TGFBR3: variants seen among roughly 807,000 people sequenced by gnomAD.
TGFBR3 encodes transforming growth factor beta receptor type 3.
TGFBR3 carries 46 observed loss-of-function variants against 87.9 expected under a neutral mutation model. The observed-to-expected ratio is 0.52, with a 90% confidence interval of 0.41 to 0.67. The LOEUF is 0.67. Ranked by LOEUF, TGFBR3 falls within the 30% of genes least tolerant of loss-of-function variation. TGFBR3 has a pLI of 0.00. For missense variants in TGFBR3, 866 were observed against 1,041.9 expected (o/e 0.83, Z 2.32); for synonymous variants, 381 against 391.6 (o/e 0.97, Z 0.32).
chr1:91,718,440 T>C (rs949098271), intron 10 of TGFBR3, among the ~76,000 whole-genome samples: 3 of 152,090 alleles, frequency 2.0e-5, no homozygotes, highest in African/African-American at 7.2e-5. Context: ...ATGTCAAAGC[T>C]GGATATGGCA....
At chr1:91,798,591 C>G (rs1675479388) in intron 2 of TGFBR3, among the ~76,000 whole-genome samples, 1 of 152,194 alleles carries the variant, frequency 6.6e-6, no homozygotes, top group African/African-American at 2.4e-5. Context: ...CTCTGCCCTC[C>G]CGCAATCCAT....
intron 13 of TGFBR3, among the ~76,000 whole-genome samples, chr1:91,710,109 G>A (rs1182563910): frequency 6.6e-6 from 1 of 152,154 alleles, no homozygotes; most frequent in African/African-American, 2.4e-5. Flanking sequence ...TATTAATACA[G>A]CCATCATTTT....
In TGFBR3 at chr1:91,721,962, T is replaced by C. The variant is rs1461503639; in HGVS notation, c.1068A>G (p.Glu356=). The C allele has an allele frequency of 6.2e-7, 1 of 1,613,048 alleles. No individual in the cohort carries two copies. Among genetic ancestry groups the C allele is most frequent in the Admixed American group, 1.7e-5 (1 of 59,942 alleles). ...AAAAAACTTCTAACTTACCATTATT[T>C]TCAAGCCGAAGATGAAATCTATTAG... ...PVANRFHLRL[E]NNAEEMGDEE... Residue 356 remains glutamate, a synonymous_variant, in exon 8 of 17, where the codon GAA becomes GAG. Coordinates refer to ENST00000212355, the MANE Select transcript of TGFBR3 (RefSeq NM_003243.5).
At chr1:91,751,111 G>A (rs1673525083) in intron 4 of TGFBR3, among the ~76,000 whole-genome samples, 1 of 152,050 alleles carries the variant, frequency 6.6e-6, no homozygotes, top group East Asian at 1.9e-4. Context: ...GAATGAACAA[G>A]CACATACATA....
At chr1:91,713,534 A>G (rs1672059221) in intron 12 of TGFBR3, among the ~76,000 whole-genome samples, 1 of 152,214 alleles carries the variant, frequency 6.6e-6, no homozygotes, top group African/African-American at 2.4e-5. Context: ...CCTTACCCAT[A>G]GACCAACAGC....
chr1:91,723,664 C>G (rs1400977809), intron 7 of TGFBR3, among the ~76,000 whole-genome samples: 1 of 151,062 alleles, frequency 6.6e-6, no homozygotes, highest in Non-Finnish European at 1.5e-5. Flanking sequence ...GTGCTCTTCT[C>G]AGAGGGTGAG....
chr1:91,854,101 T>C (rs1409474893), intron 2 of TGFBR3, among the ~76,000 whole-genome samples: 1 of 152,132 alleles, frequency 6.6e-6, no homozygotes. Context: ...TGAGGAGATG[T>C]TGGTCAAATA....
At chr1:91,830,976 G>A (rs907698966) in intron 2 of TGFBR3, among the ~76,000 whole-genome samples, 1 of 152,078 alleles carries the variant, frequency 6.6e-6, no homozygotes, top group Non-Finnish European at 1.5e-5. Flanking sequence ...AGTACACACA[G>A]GTAAAAACTT....
intron 2 of TGFBR3, among the ~76,000 whole-genome samples, chr1:91,835,353 GAAGT>G (rs1409975958): frequency 2.0e-5 from 3 of 152,342 alleles, no homozygotes; most frequent in African/African-American, 4.8e-5. Context: ...CTACAAGGAA[GAAGT>G]AAGGGCTGGG....
rs746593487 is a variant in TGFBR3 at position 91,681,291 on chromosome 1, G to A, written c.*2448C>T. On this transcript the variant is annotated 3_prime_UTR_variant, in exon 17 of 17. Coordinates refer to ENST00000212355, the MANE Select transcript of TGFBR3 (RefSeq NM_003243.5). Reference sequence around the variant, plus strand: ...TAGAAACATTTCAGAAATACTTAACGACATTCACTCTCCAATATGAGATTA... The same window carrying A: ...TAGAAACATTTCAGAAATACTTAACAACATTCACTCTCCAATATGAGATTA... 3 of 442,956 alleles carry A rather than the reference G, an allele frequency of 6.8e-6. No individual in the cohort carries two copies. Among genetic ancestry groups the A allele is most frequent in the Non-Finnish European group, 1.3e-5 (3 of 223,530 alleles). 27.4% of individuals were successfully genotyped at this position (442,956 alleles called of 1,614,324 possible). A position where few individuals can be genotyped will look rare whatever the true frequency, so the allele number is the denominator to read the frequency against.
At chr1:91,695,165 A>G (rs1671390384) in intron 16 of TGFBR3, among the ~76,000 whole-genome samples, 2 of 151,810 alleles carry the variant, frequency 1.3e-5, no homozygotes, top group Admixed American at 6.6e-5. Flanking sequence ...AACTTTATAG[A>G]AAAACATGAA....
rs1215283010 is a variant in TGFBR3, at chr1:91,683,002, G to A, written c.*737C>T. ...GGTCATTTTCAATTTCTGTAGGCCT[G>A]TAAGAAATACAAAATTTGCATTAAG... On this transcript the variant is annotated 3_prime_UTR_variant, in exon 17 of 17. Coordinates refer to ENST00000212355, the MANE Select transcript of TGFBR3 (RefSeq NM_003243.5). 4.4e-6 allele frequency: 2 copies of A among 454,478 alleles called. No individual in the cohort carries two copies. The highest frequency in any genetic ancestry group is 4.4e-6 in the Non-Finnish European group (1 of 226,796). The allele number at this position is 454,478 out of a possible 1,614,324, so 28.2% of individuals were successfully genotyped here.
chr1:91,776,734 C>T lies in TGFBR3; in HGVS notation c.247-17984G>A, dbSNP rs532426388. On this transcript the variant is annotated intron_variant, in intron 3 of 16. Transcript: ENST00000212355. ...TGGTGGCAGCTGCATACATGACCCT[C>T]CAAACACTTGGCTTCCTCATGAGGA... 1.3e-4 allele frequency among the ~76,000 whole-genome samples: 20 copies of T among 152,280 alleles called. 1 individual carries two copies. The highest frequency in any genetic ancestry group is 2.4e-4 in the Non-Finnish European group (16 of 68,028).
At chr1:91,800,470 AT>A (rs892691484) in intron 2 of TGFBR3, among the ~76,000 whole-genome samples, 2 of 150,874 alleles carry the variant, frequency 1.3e-5, no homozygotes, top group Non-Finnish European at 3.0e-5. Context: ...TGATCACACT[AT>A]TGTACTCCAG....
chr1:91,734,290 A>T (rs1672879560), intron 5 of TGFBR3, among the ~76,000 whole-genome samples: 1 of 152,196 alleles, frequency 6.6e-6, no homozygotes, highest in Non-Finnish European at 1.5e-5. Flanking sequence ...AAATATATTT[A>T]AATACTTTTC....
chr1:91,843,280 T>C (rs930895932), intron 2 of TGFBR3, among the ~76,000 whole-genome samples: 6 of 152,252 alleles, frequency 3.9e-5, no homozygotes, highest in Non-Finnish European at 7.4e-5. Flanking sequence ...CTCTCATGAA[T>C]GGTATGAGTG....
intron 3 of TGFBR3, among the ~76,000 whole-genome samples, chr1:91,767,099 C>T (rs1674212628): frequency 7.5e-6 from 1 of 133,982 alleles, no homozygotes; most frequent in South Asian, 2.8e-4. Flanking sequence ...TTGCCACGCA[C>T]GTTGGACAAT....
At chr1:91,836,252 A>C (rs1677061322) in intron 2 of TGFBR3, among the ~76,000 whole-genome samples, 1 of 152,186 alleles carries the variant, frequency 6.6e-6, no homozygotes, top group African/African-American at 2.4e-5. Flanking sequence ...CATCTCAAGG[A>C]AAATAAACAA....
chr1:91,741,049 AT>A (rs1424647189), intron 4 of TGFBR3, among the ~76,000 whole-genome samples: 2 of 152,166 alleles, frequency 1.3e-5, no homozygotes, highest in African/African-American at 4.8e-5. Flanking sequence ...ACACCAACTA[AT>A]TCTCCAACTC....
Sources: gnomAD v4.1 joint callset for allele counts (sites outside exome capture counted in the v4.1 genomes callset) on GRCh38, gnomAD v4.1.1 for gene constraint, MANE v1.5 for transcripts, NCBI Gene and HGNC (gene_info 2026-07-23, HGNC 2026-07-21) for gene names.